The following BCAT1 variants were observed in gnomAD, a reference collection of about 807,000 sequenced individuals.
The protein encoded by BCAT1 is branched-chain-amino-acid aminotransferase, cytosolic.
In BCAT1, 48 loss-of-function variants were observed where a neutral mutation model predicts 52.4. That is an observed-to-expected ratio of 0.92 (90% CI 0.73 to 1.16). The LOEUF is 1.16. Ranked by LOEUF, BCAT1 falls within the 50% of genes most tolerant of loss-of-function variation. The pLI is 0.00. For missense variants in BCAT1, 451 were observed against 457.1 expected (o/e 0.99, Z 0.12); for synonymous variants, 167 against 161.3 (o/e 1.04, Z -0.27).
At chr12:24,853,786 C>T (rs996235652) in intron 5 of BCAT1, among the ~76,000 whole-genome samples, 2 of 152,070 alleles carry the variant, frequency 1.3e-5, no homozygotes, top group Admixed American at 6.5e-5. Context: ...GAGTCAATTT[C>T]GATGAGTCAC....
intron 1 of BCAT1, among the ~76,000 whole-genome samples, chr12:24,940,956 G>A (rs759842281): frequency 2.1e-4 from 32 of 152,214 alleles, no homozygotes; most frequent in Non-Finnish European, 2.6e-4. Context: ...GTCAGGGTAT[G>A]CATTCATTAG....
At chr12:24,858,349 T>C (rs1226085783) in intron 5 of BCAT1, among the ~76,000 whole-genome samples, 3 of 152,236 alleles carry the variant, frequency 2.0e-5, no homozygotes, top group Non-Finnish European at 4.4e-5. Flanking sequence ...TTTTAATTCA[T>C]GGGACTTTAA....
At chr12:24,911,602 CACACCACGATGA>C (rs1943327636) in intron 1 of BCAT1, among the ~76,000 whole-genome samples, 2 of 152,190 alleles carry the variant, frequency 1.3e-5, no homozygotes, top group African/African-American at 4.8e-5. Flanking sequence ...TCAATATATA[CACACCACGATGA>C]AACTCACTCT....
At chr12:24,855,513 TG>T (rs1316202383) in intron 5 of BCAT1, among the ~76,000 whole-genome samples, 1 of 152,158 alleles carries the variant, frequency 6.6e-6, no homozygotes. Context: ...CCTGAGGAGC[TG>T]GGATTACAGG....
intron 10 of BCAT1, among the ~76,000 whole-genome samples, chr12:24,820,408 G>A (rs1940065729): frequency 6.6e-6 from 1 of 152,156 alleles, no homozygotes; most frequent in Non-Finnish European, 1.5e-5. Context: ...AGTAGAGATG[G>A]CAGATTTAAG....
Position 24,841,836 on chromosome 12 carries a change from G to T in BCAT1, c.817+246C>A, listed in dbSNP as rs538930913. On this transcript the variant is annotated intron_variant, in intron 7 of 10. Transcript: ENST00000261192. ...AGGCAGGAGAATTGCTTGAACCAGGGTGCAGTGAGCTGAGATCACACCATT... is the reference window on the plus strand; with the variant it reads ...AGGCAGGAGAATTGCTTGAACCAGGTTGCAGTGAGCTGAGATCACACCATT... Among the ~76,000 whole-genome samples the T allele has an allele frequency of 3.3e-5, 5 of 152,174 alleles. No individual in the cohort carries two copies. In the East Asian group the frequency reaches 9.7e-4, roughly 29 times the overall value.
chr12:24,864,952 G>A lies in BCAT1; in HGVS notation c.510+13578C>T, dbSNP rs115935678. ...GGTTTCCAGGTTCACTTGGTTTCCAGTCCACTAAACCTCTCTTGTTTTTCT... is the reference window on the plus strand; with the variant it reads ...GGTTTCCAGGTTCACTTGGTTTCCAATCCACTAAACCTCTCTTGTTTTTCT... On this transcript the variant is annotated intron_variant, in intron 5 of 10. Coordinates refer to ENST00000261192, the MANE Select transcript of BCAT1 (RefSeq NM_005504.7). Among the ~76,000 whole-genome samples, 297 of 152,250 alleles carry A rather than the reference G, an allele frequency of 2.0e-3. 1 individual carries two copies. The highest frequency in any genetic ancestry group is 6.8e-3 in the African/African-American group (282 of 41,538).
At chr12:24,917,303 C>T (rs572587843) in intron 1 of BCAT1, among the ~76,000 whole-genome samples, 8 of 151,024 alleles carry the variant, frequency 5.3e-5, no homozygotes, top group Admixed American at 3.3e-4. Context: ...CTCAGCCTGC[C>T]GGGTAGCTGG....
intron 7 of BCAT1, among the ~76,000 whole-genome samples, chr12:24,838,877 G>A (rs888423330): frequency 6.6e-6 from 1 of 152,134 alleles, no homozygotes. Flanking sequence ...TAGGAGATGA[G>A]GAATTTAGAA....
At chr12:24,940,676 T>C (rs1318521701) in intron 1 of BCAT1, among the ~76,000 whole-genome samples, 1 of 152,214 alleles carries the variant, frequency 6.6e-6, no homozygotes, top group Non-Finnish European at 1.5e-5. Context: ...GAATAGTTGA[T>C]GTGTATAACC....
intron 5 of BCAT1, among the ~76,000 whole-genome samples, chr12:24,868,000 G>T (rs749635726): frequency 6.6e-6 from 1 of 152,146 alleles, no homozygotes; most frequent in Non-Finnish European, 1.5e-5. Flanking sequence ...GCAAGACTCC[G>T]TCTCAATAAA....
chr12:24,887,749 C>T (rs1249049829), intron 3 of BCAT1, among the ~76,000 whole-genome samples: 4 of 152,224 alleles, frequency 2.6e-5, no homozygotes, highest in Non-Finnish European at 5.9e-5. Flanking sequence ...TTGTTATAAT[C>T]TGAAAATGAA....
intron 1 of BCAT1, among the ~76,000 whole-genome samples, chr12:24,929,303 G>C (rs910477879): frequency 3.3e-5 from 5 of 152,142 alleles, no homozygotes; most frequent in Non-Finnish European, 7.3e-5. Flanking sequence ...CTTTAAACTA[G>C]ATTCTGACCC....
chr12:24,896,802 T>A (rs1942970492), intron 2 of BCAT1, among the ~76,000 whole-genome samples: 1 of 152,118 alleles, frequency 6.6e-6, no homozygotes, highest in African/African-American at 2.4e-5. Flanking sequence ...ACCCCTATTC[T>A]GGACTATTTA....
chr12:24,880,844 G>GTTT (rs11369972), intron 4 of BCAT1, among the ~76,000 whole-genome samples: 15 of 141,792 alleles, frequency 1.1e-4, no homozygotes, highest in Non-Finnish European at 1.1e-4. Flanking sequence ...TTTGTTTTTT[G>GTTT]TTTTTTTTTT....
Position 24,901,256 on chromosome 12 carries a change from G to A in BCAT1, c.78+558C>T, listed in dbSNP as rs574702278. On this transcript the variant is annotated intron_variant, in intron 2 of 10. Transcript: ENST00000261192. ...AGAAGAGCAGCACTAGGCATAAAAA[G>A]AAGAAGCTAAAACCTCCACGAGGAG... is the stretch of plus-strand genomic sequence containing the variant. Among the ~76,000 whole-genome samples the A allele has an allele frequency of 9.7e-3, 1,475 of 152,028 alleles. 14 individuals are homozygous for A. The highest frequency in any genetic ancestry group is 0.014 in the Non-Finnish European group (975 of 68,012).
intron 7 of BCAT1, among the ~76,000 whole-genome samples, chr12:24,838,504 T>C (rs1941072505): frequency 8.6e-6 from 1 of 115,976 alleles, no homozygotes; most frequent in African/African-American, 3.2e-5. Flanking sequence ...TTTGTGTGTG[T>C]ATATATATGT....
chr12:24,873,505 C>G (rs751035516), intron 5 of BCAT1, among the ~76,000 whole-genome samples: 1 of 152,164 alleles, frequency 6.6e-6, no homozygotes, highest in Non-Finnish European at 1.5e-5. Context: ...CATACTGATG[C>G]TATACATTCA....
chr12:24,932,506 C>T, intron 1 of BCAT1, among the ~76,000 whole-genome samples: 1 of 152,214 alleles, frequency 6.6e-6, no homozygotes, highest in East Asian at 1.9e-4. Context: ...TCATTTTATT[C>T]ATATTGCATC....
Sources: gnomAD v4.1 joint callset for allele counts (sites outside exome capture counted in the v4.1 genomes callset) on GRCh38, gnomAD v4.1.1 for gene constraint, MANE v1.5 for transcripts, NCBI Gene and HGNC (gene_info 2026-07-23, HGNC 2026-07-21) for gene names.